The following XIRP2 variants were observed in gnomAD, a reference collection of about 807,000 sequenced individuals.
XIRP2 encodes the protein xin actin-binding repeat-containing protein 2.
Under a neutral mutation model 277.0 loss-of-function variants are expected in XIRP2, and 236 were observed. The observed-to-expected ratio is 0.85, with a 90% CI of 0.77 to 0.95. The LOEUF (loss-of-function observed/expected upper bound fraction) is 0.95. Among genes scored for constraint, XIRP2 ranks in the 40% least tolerant of loss-of-function variants. XIRP2 has a pLI of 0.00. For synonymous variants in XIRP2, 1,490 were observed against 1,416.5 expected (o/e 1.05, Z -1.17); for missense variants, 4,640 against 4,157.5 (o/e 1.12, Z -3.19).
At chr2:166,957,402 G>T (rs531502657) in intron 2 of XIRP2, among the ~76,000 whole-genome samples, 1 of 151,314 alleles carries the variant, frequency 6.6e-6, no homozygotes, top group East Asian at 1.9e-4. Flanking sequence ...TTTTATTTAG[G>T]AGAACTTGGA....
At chr2:167,109,216 A>G (rs1360535787) in intron 2 of XIRP2, among the ~76,000 whole-genome samples, 1 of 152,128 alleles carries the variant, frequency 6.6e-6, no homozygotes, top group African/African-American at 2.4e-5. Context: ...AATAAAAATA[A>G]TCTTAATATT....
chr2:166,951,431 G>T (rs1686030037), intron 2 of XIRP2, among the ~76,000 whole-genome samples: 1 of 151,798 alleles, frequency 6.6e-6, no homozygotes, highest in African/African-American at 2.4e-5. Context: ...TTGGGACAGG[G>T]GAGAGGAGGT....
chr2:167,181,521 T>G (rs1204885398), intron 3 of XIRP2, among the ~76,000 whole-genome samples: 1 of 152,078 alleles, frequency 6.6e-6, no homozygotes, highest in Admixed American at 6.5e-5. Context: ...ATTAATGTTA[T>G]TTTTTATTTT....
At position 167,214,230 on chromosome 2, in the gene XIRP2, A is replaced by AGGG. The variant is rs1559024076; in HGVS notation, c.723+3335_723+3336insGGG. On this transcript the variant is annotated intron_variant, in intron 4 of 10. Coordinates refer to ENST00000409195, the MANE Select transcript of XIRP2 (RefSeq NM_152381.6). ...AGAGGGAGGGAGGGAGGGAGGGAGG[A>AGGG]AGGAAGGAAGGAAGGAAGGAAGGAA... 5.8e-3 allele frequency among the ~76,000 whole-genome samples: 406 copies of AGGG among 69,840 alleles called. 10 individuals carry two copies. The highest frequency in any genetic ancestry group is 7.6e-3 in the Non-Finnish European group (301 of 39,656). 45.8% of individuals were successfully genotyped at this position (69,840 alleles called of 152,430 possible).
chr2:167,010,550 C>T (rs1049696419), intron 2 of XIRP2, among the ~76,000 whole-genome samples: 2 of 151,900 alleles, frequency 1.3e-5, no homozygotes, highest in African/African-American at 4.8e-5. Context: ...CTTGGCAATG[C>T]GGGCTCTTTT....
At chr2:167,068,291 A>G (rs1008470998) in intron 2 of XIRP2, among the ~76,000 whole-genome samples, 4 of 152,156 alleles carry the variant, frequency 2.6e-5, no homozygotes, top group Admixed American at 1.3e-4. Context: ...TTTTCCTTCT[A>G]TGTTTCCAGC....
rs1025211956 is a variant in XIRP2 at position 167,245,551 on chromosome 2, G to A, written c.4159G>A (p.Val1387Ile). ...CATTCAGAAGGGAGATGTTAGTTCT[G>A]TCAGATACAGATTTGAAACTCAGCC... ...EDIQKGDVSSVRYRFETQPLD... is the reference protein window; with the variant it reads ...EDIQKGDVSSIRYRFETQPLD... The change falls in exon 9 of 11, where the codon GTC becomes ATC. Residue 1387 changes from valine to isoleucine, a missense_variant. Physicochemically the swap from Val to Ile is conservative, Grantham distance 29. Transcript: ENST00000409195. 5 of 1,613,488 alleles carry A rather than the reference G, an allele frequency of 3.1e-6. No homozygotes were observed. Among genetic ancestry groups the A allele is most frequent in the Admixed American group, 3.3e-5 (2 of 59,968 alleles).
At chr2:167,154,065 C>T (rs1306200321) in intron 3 of XIRP2, among the ~76,000 whole-genome samples, 1 of 149,494 alleles carries the variant, frequency 6.7e-6, no homozygotes, top group Non-Finnish European at 1.5e-5. Context: ...TCCTCTCCAG[C>T]ACCTGTTGTT....
intron 3 of XIRP2, among the ~76,000 whole-genome samples, chr2:167,161,366 T>C (rs1692356709): frequency 6.6e-6 from 1 of 152,116 alleles, no homozygotes; most frequent in Admixed American, 6.5e-5. Flanking sequence ...TAGCAGAGGT[T>C]CCGCATGAGA....
At chr2:167,026,420 CTG>C (rs753953018) in intron 2 of XIRP2, among the ~76,000 whole-genome samples, 25 of 152,154 alleles carry the variant, frequency 1.6e-4, no homozygotes, top group Non-Finnish European at 2.8e-4. Context: ...ATTTTCCAGT[CTG>C]TGTCTTTTAA....
intron 3 of XIRP2, among the ~76,000 whole-genome samples, chr2:167,197,397 A>C (rs1365465008): frequency 6.6e-6 from 1 of 152,182 alleles, no homozygotes; most frequent in African/African-American, 2.4e-5. Flanking sequence ...TTCATTCAAC[A>C]AATGCTTAAT....
At chr2:167,058,598 A>G (rs1689095961) in intron 2 of XIRP2, among the ~76,000 whole-genome samples, 1 of 152,158 alleles carries the variant, frequency 6.6e-6, no homozygotes, top group Non-Finnish European at 1.5e-5. Context: ...GTATCTCACC[A>G]CTGGTGCCTC....
chr2:166,914,106 C>T (rs190417303), intron 2 of XIRP2, among the ~76,000 whole-genome samples: 7 of 152,196 alleles, frequency 4.6e-5, no homozygotes, highest in African/African-American at 1.7e-4. Context: ...GAGTCTTTAT[C>T]AGAGGAACAC....
At chr2:167,053,319 A>C (rs1478464758) in intron 2 of XIRP2, among the ~76,000 whole-genome samples, 1 of 152,148 alleles carries the variant, frequency 6.6e-6, no homozygotes, top group South Asian at 2.1e-4. Flanking sequence ...TTATTTGTAG[A>C]TATGTGTTGT....
intron 2 of XIRP2, among the ~76,000 whole-genome samples, chr2:166,947,623 T>C (rs1318974231): frequency 2.0e-5 from 3 of 152,128 alleles, no homozygotes; most frequent in African/African-American, 7.2e-5. Flanking sequence ...AAAATTCTAC[T>C]GTGAGAAATA....
At chr2:166,996,742 A>G (rs773665475) in intron 2 of XIRP2, among the ~76,000 whole-genome samples, 23 of 152,164 alleles carry the variant, frequency 1.5e-4, no homozygotes, top group Non-Finnish European at 2.8e-4. Flanking sequence ...AACCAAGATG[A>G]TGCATTGCTG....
intron 2 of XIRP2, among the ~76,000 whole-genome samples, chr2:166,913,390 G>A (rs979775166): frequency 2.6e-5 from 4 of 152,046 alleles, no homozygotes; most frequent in Non-Finnish European, 4.4e-5. Context: ...CTCCGTGGGC[G>A]TGGGACCCTC....
chr2:166,961,449 G>T (rs1438906091), intron 2 of XIRP2, among the ~76,000 whole-genome samples: 1 of 151,660 alleles, frequency 6.6e-6, no homozygotes, highest in East Asian at 1.9e-4. Flanking sequence ...AGTAAAAAAA[G>T]AATAACTTCA....
intron 2 of XIRP2, among the ~76,000 whole-genome samples, chr2:167,126,105 G>GGACA (rs2105308785): frequency 6.6e-6 from 1 of 152,204 alleles, no homozygotes; most frequent in South Asian, 2.1e-4. Flanking sequence ...CTGAGAGACA[G>GGACA]GACACCCTGG....
Sources: gnomAD v4.1 joint callset for allele counts (sites outside exome capture counted in the v4.1 genomes callset) on GRCh38, gnomAD v4.1.1 for gene constraint, MANE v1.5 for transcripts, NCBI Gene and HGNC (gene_info 2026-07-23, HGNC 2026-07-21) for gene names.